TES: variants seen among roughly 807,000 people sequenced by gnomAD.
TES encodes the protein testin LIM domain protein.
TES carries 41 observed loss-of-function variants against 48.2 expected under a neutral mutation model. The observed-to-expected ratio is 0.85, with a 90% CI of 0.66 to 1.10. The LOEUF (loss-of-function observed/expected upper bound fraction) is 1.10. TES is among the 50% of genes least tolerant of loss of function. The pLI, the probability that TES is intolerant of heterozygous loss-of-function variation, is 0.00. For synonymous variants in TES, 162 were observed against 174.9 expected (o/e 0.93, Z 0.58); for missense variants, 463 against 515.1 (o/e 0.90, Z 0.98).
At chr7:116,239,253 C>G (rs1799812530) in intron 2 of TES, 1 of 152,168 alleles carries the variant, frequency 6.6e-6, no homozygotes, top group African/African-American at 2.4e-5. Flanking sequence ...TCTTCTGCTG[C>G]GAGCCAGAGA....
At chr7:116,221,828 T>A (rs1180783091) in intron 1 of TES, among the ~76,000 whole-genome samples, 1 of 152,208 alleles carries the variant, frequency 6.6e-6, no homozygotes, top group African/African-American at 2.4e-5. Context: ...TAAATTAACA[T>A]GCAACTGCAA....
chr7:116,249,199 T>C lies in TES; in HGVS notation c.293T>C (p.Val98Ala), dbSNP rs757915277. Residue 98 changes from valine (V) to alanine (A), a missense_variant, in exon 3 of 7, where the codon GTT becomes GCT. By Grantham distance (64) the Val-to-Ala change is moderately conservative (BLOSUM62 0). Transcript: ENST00000358204. ...AATGTTATGATATTGACGAATCCAGTTGCTGCCAAGAAGAATGTCTCCATC... is the reference window on the plus strand; with the variant it reads ...AATGTTATGATATTGACGAATCCAGCTGCTGCCAAGAAGAATGTCTCCATC... Reference protein sequence around the residue: ...KRNVMILTNPVAAKKNVSINT... With the variant: ...KRNVMILTNPAAAKKNVSINT... 1.9e-6 allele frequency: 3 copies of C among 1,614,096 alleles called. No individual in the cohort carries two copies. Among genetic ancestry groups the C allele is most frequent in the Non-Finnish European group, 1.7e-6 (2 of 1,179,978 alleles).
intron 2 of TES, among the ~76,000 whole-genome samples, chr7:116,237,534 T>A (rs534573289): frequency 1.3e-5 from 2 of 152,206 alleles, no homozygotes; most frequent in Non-Finnish European, 2.9e-5. Context: ...TTCCCTGAAA[T>A]TTTGTGCCTT....
At chr7:116,236,627 A>G (rs150689543) in intron 2 of TES, among the ~76,000 whole-genome samples, 187 of 152,280 alleles carry the variant, frequency 1.2e-3, no homozygotes, top group African/African-American at 4.3e-3. Context: ...TAGTTCTGCT[A>G]TGCAGTTGCC....
chr7:116,246,894 T>C (rs936820097), intron 2 of TES, among the ~76,000 whole-genome samples: 1 of 151,658 alleles, frequency 6.6e-6, no homozygotes, highest in Non-Finnish European at 1.5e-5. Flanking sequence ...GTGTGATTAT[T>C]TAATGTCTAT....
intron 2 of TES, among the ~76,000 whole-genome samples, chr7:116,239,585 T>A (rs1584621581): frequency 6.6e-6 from 1 of 152,260 alleles, no homozygotes; most frequent in East Asian, 1.9e-4. Flanking sequence ...GATATTAGAA[T>A]GCACATTTTT....
chr7:116,248,937 A>G, intron 2 of TES, 83 bp from the exon 3 acceptor site: 1 of 1,390,246 alleles, frequency 7.2e-7, no homozygotes, highest in Non-Finnish European at 9.6e-7. Flanking sequence ...TAGGCCTAAA[A>G]GTATTTTATG....
chr7:116,213,300 G>A (rs1799459825), intron 1 of TES, among the ~76,000 whole-genome samples: 1 of 152,156 alleles, frequency 6.6e-6, no homozygotes, highest in South Asian at 2.1e-4. Flanking sequence ...AATGTACCTT[G>A]AGAAAAGGAA....
intron 2 of TES, among the ~76,000 whole-genome samples, chr7:116,236,645 G>A (rs1799775965): frequency 6.6e-6 from 1 of 152,082 alleles, no homozygotes; most frequent in Non-Finnish European, 1.5e-5. Flanking sequence ...GCCAAAAACC[G>A]CTCGTGAGAT....
At position 116,252,455 on chromosome 7, in the gene TES, C is replaced by CT. The variant is rs1234890377; in HGVS notation, c.1057dup (p.Tyr353LeufsTer26). ...ATGACAAGCCCGTGTGCAAGCCCTGCTATGTGAAGAATCACGCTGTGGTGA... is the reference window on the plus strand; with the variant it reads ...ATGACAAGCCCGTGTGCAAGCCCTGCTTATGTGAAGAATCACGCTGTGGTGA... On this transcript the variant is annotated frameshift_variant, in exon 6 of 7. Coordinates refer to ENST00000358204, the MANE Select transcript of TES (RefSeq NM_015641.4). LOFTEE classifies it high-confidence loss of function. 57 of 1,614,090 alleles carry CT rather than the reference C, an allele frequency of 3.5e-5. 1 individual carries two copies. Among genetic ancestry groups the CT allele is most frequent in the Non-Finnish European group, 4.8e-5 (57 of 1,180,042 alleles).
chr7:116,234,642 C>A (rs963193730), intron 2 of TES, 23 bp downstream of exon 2: 2 of 1,583,514 alleles, frequency 1.3e-6, no homozygotes, highest in African/African-American at 1.3e-5. Flanking sequence ...AAACTGCAAC[C>A]ACATTAGTAA....
chr7:116,212,810 A>G (rs1372617888), intron 1 of TES, among the ~76,000 whole-genome samples: 2 of 152,218 alleles, frequency 1.3e-5, no homozygotes, highest in South Asian at 2.1e-4. Context: ...TTTAAAAGTT[A>G]TATTTTCAAC....
intron 1 of TES, among the ~76,000 whole-genome samples, chr7:116,220,947 A>G (rs952036287): frequency 9.2e-5 from 14 of 152,160 alleles, no homozygotes; most frequent in Non-Finnish European, 1.6e-4. Flanking sequence ...AAGAAATTCA[A>G]TCTAGAGGGA....
intron 2 of TES, chr7:116,239,039 C>T (rs745552886): frequency 6.6e-5 from 10 of 152,214 alleles, no homozygotes; most frequent in Non-Finnish European, 1.5e-4. Context: ...GAAGAATCTG[C>T]TTTCAAGCTC....
chr7:116,212,699 G>T (rs1356860324), intron 1 of TES, among the ~76,000 whole-genome samples: 1 of 152,088 alleles, frequency 6.6e-6, no homozygotes, highest in African/African-American at 2.4e-5. Context: ...AAATCCAGAC[G>T]TTGTTTATAA....
At chr7:116,223,111 A>G in intron 1 of TES, 1 of 421,524 alleles carries the variant, frequency 2.4e-6, no homozygotes, top group Non-Finnish European at 3.2e-6. Flanking sequence ...ATAAGGAACC[A>G]GCTTAAACTG....
chr7:116,234,200 T>C (rs1799736128), intron 1 of TES, among the ~76,000 whole-genome samples: 1 of 152,198 alleles, frequency 6.6e-6, no homozygotes, highest in Non-Finnish European at 1.5e-5. Context: ...TTCTGAGTGT[T>C]GTACCTATTG....
chr7:116,210,558 C>A lies in TES; in HGVS notation c.-150C>A. On this transcript the variant is annotated 5_prime_UTR_variant, in exon 1 of 7. Transcript: ENST00000358204. The stretch of plus-strand genomic sequence containing the variant: ...AGGCCCGCTGCGGCGGACTGGGCGG[C>A]GGAAGTTCGACGGCGCCGGGCGAGT... 1 of 872,538 alleles carries A rather than the reference C, an allele frequency of 1.1e-6. No individual in the cohort carries two copies. Among genetic ancestry groups the A allele is most frequent in the Non-Finnish European group, 1.5e-6 (1 of 650,098 alleles). 54.0% of individuals were successfully genotyped at this position (872,538 alleles called of 1,614,324 possible). A position where few individuals can be genotyped will look rare whatever the true frequency, so the allele number is the denominator to read the frequency against.
chr7:116,227,095 T>C (rs1272155210), intron 1 of TES, among the ~76,000 whole-genome samples: 1 of 34,048 alleles, frequency 2.9e-5, no homozygotes, highest in Admixed American at 2.5e-4. Flanking sequence ...TTATTTTATT[T>C]ATTTATTTAT....
Sources: gnomAD v4.1 joint callset for allele counts (sites outside exome capture counted in the v4.1 genomes callset) on GRCh38, gnomAD v4.1.1 for gene constraint, MANE v1.5 for transcripts, NCBI Gene and HGNC (gene_info 2026-07-23, HGNC 2026-07-21) for gene names.